HDGF: variants seen among roughly 807,000 people sequenced by gnomAD.
HDGF encodes heparin binding growth factor, also known as hepatoma-derived growth factor.
In HDGF, 5 loss-of-function variants were observed where a neutral mutation model predicts 30.0. The observed-to-expected ratio is 0.17, with a 90% CI of 0.09 to 0.35. The LOEUF (loss-of-function observed/expected upper bound fraction) is 0.35, where lower values mean the gene tolerates loss of function less well. Among genes scored for constraint, HDGF ranks in the 10% least tolerant of loss-of-function variants. The pLI is 1.00. For missense variants in HDGF, 214 were observed against 302.8 expected (o/e 0.71, Z 2.18); for synonymous variants, 133 against 112.7 (o/e 1.18, Z -1.14).
intron 1 of HDGF, among the ~76,000 whole-genome samples, chr1:156,760,383 G>C (rs1651229152): frequency 6.6e-6 from 1 of 152,176 alleles, no homozygotes; most frequent in South Asian, 2.1e-4. Flanking sequence ...CTAATAATTA[G>C]ATTGAGCCCT....
chr1:156,758,598 A>AAAAAAAAATAAATAAAT (rs577631183), intron 2 of HDGF, among the ~76,000 whole-genome samples: 2 of 26,374 alleles, frequency 7.6e-5, no homozygotes, highest in Admixed American at 3.8e-4. Flanking sequence ...GTCTCAAAAA[A>AAAAAAAAATAAATAAAT]AAAAATAAAT....
intron 1 of HDGF, among the ~76,000 whole-genome samples, chr1:156,761,138 C>T (rs1008842493): frequency 6.6e-6 from 1 of 151,694 alleles, no homozygotes; most frequent in African/African-American, 2.4e-5. Context: ...CTTGGTGAAC[C>T]CCTGTCTCTA....
At chr1:156,754,317 T>C (rs1651119104), upstream of HDGF, among the ~76,000 whole-genome samples, 1 of 152,194 alleles carries the variant, frequency 6.6e-6, no homozygotes, top group South Asian at 2.1e-4. Context: ...ATAGCCAGCG[T>C]GGAAGTGGAA....
At chr1:156,765,472 C>CTTTTTTTTTTTT (rs71080793) in intron 1 of HDGF, among the ~76,000 whole-genome samples, 32 of 85,970 alleles carry the variant, frequency 3.7e-4, no homozygotes, top group East Asian at 7.5e-4. Context: ...TTCTTTCTTT[C>CTTTTTTTTTTTT]TTTTTTTTTT....
rs1215509273 is a variant in HDGF at position 156,742,386 on chromosome 1, GA to G, written c.*1062del. On this transcript the variant is annotated 3_prime_UTR_variant, in exon 6 of 6. Coordinates refer to ENST00000357325, the MANE Select transcript of HDGF (RefSeq NM_004494.3). ...TGTGGATGAGAAATGACACTGGAAGGAACATCAAAGCCCCAGCTACAAAAAG... is the reference window on the plus strand; with the variant it reads ...TGTGGATGAGAAATGACACTGGAAGGACATCAAAGCCCCAGCTACAAAAAG... The G allele has an allele frequency of 6.6e-6, 1 of 152,488 alleles. No homozygotes were observed. The allele number at this position is 152,488 out of a possible 1,614,324, so 9.4% of individuals were successfully genotyped here.
intron 4 of HDGF, 42 bp from the exon 5 acceptor site, chr1:156,743,920 G>A: frequency 6.8e-7 from 1 of 1,468,740 alleles, no homozygotes. Flanking sequence ...GGCTGGAGAG[G>A]GAGGCCACCA....
chr1:156,765,472 C>CTTTTTTTTTTTTTTTTT (rs71080793), intron 1 of HDGF, among the ~76,000 whole-genome samples: 87 of 85,976 alleles, frequency 1.0e-3, no homozygotes, highest in Non-Finnish European at 1.4e-3. Context: ...TTCTTTCTTT[C>CTTTTTTTTTTTTTTTTT]TTTTTTTTTT....
chr1:156,742,190 A>AT lies in HDGF; in HGVS notation c.*1258dup, dbSNP rs1650168134. The AT allele has an allele frequency of 6.5e-6, 1 of 152,694 alleles. No homozygotes were observed. The highest frequency in any genetic ancestry group is 2.1e-4 in the South Asian group (1 of 4,832). The allele number at this position is 152,694 out of a possible 1,614,324, so 9.5% of individuals were successfully genotyped here. On this transcript the variant is annotated 3_prime_UTR_variant, in exon 6 of 6. Coordinates refer to ENST00000357325, the MANE Select transcript of HDGF (RefSeq NM_004494.3). ...TAAACTTCCAAAGCTACAGTCAGCAATTTTTCATCAGAGCCCAAGGGAGAG... is the reference window on the plus strand; with the variant it reads ...TAAACTTCCAAAGCTACAGTCAGCAATTTTTTCATCAGAGCCCAAGGGAGAG...
Position 156,743,474 on chromosome 1 carries a change from G to T in HDGF, c.717-19C>A. On this transcript the variant is annotated intron_variant, in intron 5 of 5. Coordinates refer to ENST00000357325, the MANE Select transcript of HDGF (RefSeq NM_004494.3). The stretch of plus-strand genomic sequence containing the variant: ...CTACAGGCTGTGAGGGAGGGTTGGA[G>T]GGGAGAAGGGTTAATGGTGTGGCCT... 1 of 1,530,320 alleles carries T rather than the reference G, an allele frequency of 6.5e-7. No individual in the cohort carries two copies. Among genetic ancestry groups the T allele is most frequent in the Non-Finnish European group, 8.8e-7 (1 of 1,139,548 alleles). 94.8% of individuals were successfully genotyped at this position (1,530,320 alleles called of 1,614,324 possible). A position where few individuals can be genotyped will look rare whatever the true frequency, so the allele number is the denominator to read the frequency against.
chr1:156,753,707 C>T (rs183979182), upstream of HDGF, among the ~76,000 whole-genome samples: 37 of 151,628 alleles, frequency 2.4e-4, no homozygotes, highest in African/African-American at 6.5e-4. Flanking sequence ...TGTGCCACCA[C>T]GCCCGGCTAA....
chr1:156,743,534 T>TA (rs1171304439), intron 5 of HDGF, 79 bp from the exon 6 acceptor site: 5 of 1,585,650 alleles, frequency 3.2e-6, no homozygotes, highest in Non-Finnish European at 4.3e-6. Context: ...GCCGGTCTCC[T>TA]AGGAGAGCCC....
chr1:156,744,241 C>T lies in HDGF; in HGVS notation c.411G>A (p.Gly137=), dbSNP rs1413035648. The T allele has an allele frequency of 6.2e-7, 1 of 1,614,042 alleles. No homozygotes were observed. The highest frequency in any genetic ancestry group is 1.7e-5 in the Admixed American group (1 of 60,000). Reference sequence around the variant, plus strand: ...TGGCTGGCTCATCAATGACCAGCTTCCCTTCCTCGTCGCTGCTGCCCTCTG... The same window carrying T: ...TGGCTGGCTCATCAATGACCAGCTTTCCTTCCTCGTCGCTGCTGCCCTCTG... The part of the protein sequence containing the change: ...GNAEGSSDEE[G]KLVIDEPAKE... Residue 137 remains glycine (G), a synonymous_variant, in exon 4 of 6, where the codon GGG becomes GGA. Transcript: ENST00000357325.
intron 1 of HDGF, among the ~76,000 whole-genome samples, chr1:156,762,886 CAAAA>C (rs1036462714): frequency 6.7e-6 from 1 of 149,166 alleles, no homozygotes; most frequent in African/African-American, 2.5e-5. Flanking sequence ...AAAAAAAAAC[CAAAA>C]AAAAACTTTC....
In HDGF at chr1:156,751,287, G is replaced by A. The variant is rs1650962154; in HGVS notation, c.87+56C>T. ...GCGCGGAGCGCTCGTGCCCTTCCCG[G>A]TGTTATGCAACCCAAGCCCGCAGGG... On this transcript the variant is annotated intron_variant, in intron 1 of 5. Coordinates refer to ENST00000357325, the MANE Select transcript of HDGF (RefSeq NM_004494.3). The surrounding 1 kb of genome is among the most constrained non-coding windows in gnomAD (Gnocchi z 4.7). 1 of 1,579,374 alleles carries A rather than the reference G, an allele frequency of 6.3e-7. No homozygotes were observed. Among genetic ancestry groups the A allele is most frequent in the South Asian group, 1.1e-5 (1 of 88,202 alleles).
chr1:156,752,678 A>G (rs1160136102), upstream of HDGF, among the ~76,000 whole-genome samples: 1 of 152,244 alleles, frequency 6.6e-6, no homozygotes, highest in African/African-American at 2.4e-5. Flanking sequence ...ACTTGAACTC[A>G]GGTCTCTTCC....
chr1:156,766,163 G>T (rs1326478668), intron 1 of HDGF, among the ~76,000 whole-genome samples: 1 of 152,228 alleles, frequency 6.6e-6, no homozygotes, highest in East Asian at 1.9e-4. Context: ...GTCTCTGAAG[G>T]GTGGAGAGGT....
At position 156,751,340 on chromosome 1, in the gene HDGF, C is replaced by T; in HGVS notation, c.87+3G>A. 6.2e-7 allele frequency: 1 copy of T among 1,607,700 alleles called. No homozygotes were observed. The highest frequency in any genetic ancestry group is 1.3e-5 in the African/African-American group (1 of 74,508). ...TTAGGGGGCGGCGGGCCGCGCTGCT[C>T]ACCCGGGCCGGCCAGTGTGGGTAGC... On this transcript the variant is annotated splice_donor_region_variant and intron_variant, in intron 1 of 5. Transcript: ENST00000357325. The surrounding 1 kb of genome is among the most constrained non-coding windows in gnomAD (Gnocchi z 4.7).
intron 1 of HDGF, among the ~76,000 whole-genome samples, chr1:156,750,407 G>A (rs1477441690): frequency 1.3e-5 from 2 of 152,252 alleles, no homozygotes; most frequent in African/African-American, 4.8e-5. Context: ...AGTCCTTAGG[G>A]GAAACATGAT....
chr1:156,756,793 CTT>C (rs558782106), upstream of HDGF, among the ~76,000 whole-genome samples: 200 of 122,364 alleles, frequency 1.6e-3, no homozygotes, highest in Non-Finnish European at 2.2e-3. Context: ...AAAAGGTGGT[CTT>C]TTTTTTTTTT....
Sources: allele counts gnomAD v4.1 joint callset (sites outside exome capture counted in the v4.1 genomes callset), GRCh38; gene constraint gnomAD v4.1.1; non-coding constraint Gnocchi (gnomAD v3.1); transcripts MANE v1.5; gene names NCBI Gene and HGNC (gene_info 2026-07-23, HGNC 2026-07-21).